Variants in CCNY observed in about 807,000 individuals in gnomAD.
CCNY encodes cyclin-Y.
Under a neutral mutation model 42.8 loss-of-function variants are expected in CCNY, and 19 were observed. The ratio of observed to expected loss-of-function variants is 0.44; its 90% CI spans 0.31 to 0.65. CCNY has a LOEUF of 0.65. Ranked by LOEUF, CCNY falls within the 30% of genes least tolerant of loss-of-function variation. CCNY has a pLI of 0.07. For synonymous variants in CCNY, 165 were observed against 162.7 expected, an observed-to-expected ratio of 1.01 and a Z score of -0.11; for missense variants, 370 against 437.3, an observed-to-expected ratio of 0.85 and a Z score of 1.37.
intron 3 of CCNY, among the ~76,000 whole-genome samples, chr10:35,319,673 A>G (rs1435849172): frequency 2.0e-5 from 3 of 152,146 alleles, no homozygotes; most frequent in Non-Finnish European, 4.4e-5. Context: ...CAGGAGTTTG[A>G]GACCAGCCAG....
intron 7 of CCNY, among the ~76,000 whole-genome samples, chr10:35,535,624 G>A (rs1840871223): frequency 6.6e-6 from 1 of 152,180 alleles, no homozygotes; most frequent in African/African-American, 2.4e-5. Context: ...TCAGCCAACT[G>A]TAAAATGAAA....
In CCNY at chr10:35,516,663, T is replaced by TCCTTCC. The variant is rs200181533; in HGVS notation, c.365+40_365+41insCCTTCC. ...TTATTTCCTTCCTTCCTTCCTTCCTTTTTTTTTTTTTTTTTTTTTTTTTTT... is the reference window on the plus strand; with the variant it reads ...TTATTTCCTTCCTTCCTTCCTTCCTTCCTTCCTTTTTTTTTTTTTTTTTTTTTTTTT... On this transcript the variant is annotated intron_variant, in intron 4 of 9. Transcript: ENST00000374704. 1.9e-4 allele frequency: 37 copies of TCCTTCC among 198,488 alleles called. No individual in the cohort carries two copies. The East Asian group carries it at 3.7e-3, about 20-fold the overall frequency. 12.3% of individuals were successfully genotyped at this position (198,488 alleles called of 1,614,324 possible). A position where few individuals can be genotyped will look rare whatever the true frequency, so the allele number is the denominator to read the frequency against.
intron 8 of CCNY, among the ~76,000 whole-genome samples, chr10:35,565,477 C>T (rs1841550773): frequency 6.6e-6 from 1 of 152,200 alleles, no homozygotes; most frequent in African/African-American, 2.4e-5. Context: ...TGTGAGTTCT[C>T]TTTTTAAGAG....
intron 1 of CCNY, among the ~76,000 whole-genome samples, chr10:35,442,714 G>T (rs1838699935): frequency 6.6e-6 from 1 of 152,146 alleles, no homozygotes; most frequent in Non-Finnish European, 1.5e-5. Context: ...AAACTACTGG[G>T]GATGGCTACG....
rs1304156094 is a variant in CCNY, at chr10:35,363,223, C to T, written c.154+26016C>T. Among the ~76,000 whole-genome samples the T allele has an allele frequency of 1.7e-4, 25 of 145,282 alleles. No individual in the cohort carries two copies. The East Asian group carries it at 4.3e-3, about 25-fold the overall frequency. Reference sequence around the variant, plus strand: ...GCAGAGGCGCTCCTCACTTCCCAGACGGTGGAGTGGCCGGCAGAGGCGCTC... The same window carrying T: ...GCAGAGGCGCTCCTCACTTCCCAGATGGTGGAGTGGCCGGCAGAGGCGCTC... On this transcript the variant is annotated intron_variant, in intron 1 of 9. Coordinates refer to ENST00000374704, the MANE Select transcript of CCNY (RefSeq NM_145012.6).
At chr10:35,274,420 G>A (rs973348430) in intron 3 of CCNY, among the ~76,000 whole-genome samples, 2 of 152,170 alleles carry the variant, frequency 1.3e-5, no homozygotes, top group African/African-American at 4.8e-5. Context: ...CATCTTCTTA[G>A]TGGGGGTGGG....
At chr10:35,419,496 G>T (rs979849578) in intron 1 of CCNY, among the ~76,000 whole-genome samples, 7 of 148,598 alleles carry the variant, frequency 4.7e-5, no homozygotes, top group Non-Finnish European at 7.4e-5. Flanking sequence ...GGTGGCCATG[G>T]ACCATGAGGG....
chr10:35,498,035 A>G (rs1840037316), intron 2 of CCNY, among the ~76,000 whole-genome samples: 1 of 152,176 alleles, frequency 6.6e-6, no homozygotes, highest in South Asian at 2.1e-4. Flanking sequence ...ATTACAGTGC[A>G]AGCACATGAG....
chr10:35,397,412 C>T (rs941443232), intron 1 of CCNY, among the ~76,000 whole-genome samples: 1 of 152,202 alleles, frequency 6.6e-6, no homozygotes, highest in South Asian at 2.1e-4. Context: ...TTGCTTCCTT[C>T]CCCCCTTATC....
At chr10:35,451,670 AGCC>A (rs1838920364) in intron 1 of CCNY, among the ~76,000 whole-genome samples, 3 of 152,336 alleles carry the variant, frequency 2.0e-5, no homozygotes, top group African/African-American at 7.2e-5. Context: ...GACACCCACA[AGCC>A]CAGGAGCCTC....
chr10:35,259,333 C>G (rs2095717707), intron 3 of CCNY, among the ~76,000 whole-genome samples: 1 of 151,964 alleles, frequency 6.6e-6, no homozygotes, highest in African/African-American at 2.4e-5. Context: ...CCCACCTCAG[C>G]CTCTTGAGTA....
intron 7 of CCNY, among the ~76,000 whole-genome samples, chr10:35,537,904 C>T (rs941544821): frequency 2.3e-4 from 35 of 151,912 alleles, no homozygotes; most frequent in African/African-American, 6.0e-4. Context: ...TGGGAGGGCC[C>T]GGGGTGGAAT....
chr10:35,341,437 A>T (rs1355030071), intron 1 of CCNY, among the ~76,000 whole-genome samples: 2 of 152,202 alleles, frequency 1.3e-5, no homozygotes, highest in Non-Finnish European at 2.9e-5. Context: ...ATTCCTTAAC[A>T]CTTTATGATA....
chr10:35,548,017 C>T (rs536699951), intron 7 of CCNY, among the ~76,000 whole-genome samples: 2 of 152,164 alleles, frequency 1.3e-5, no homozygotes, highest in Non-Finnish European at 2.9e-5. Context: ...GGATTTGAAA[C>T]ATGTTACTCC....
intron 1 of CCNY, among the ~76,000 whole-genome samples, chr10:35,350,474 C>T (rs1836405427): frequency 6.6e-6 from 1 of 151,996 alleles, no homozygotes; most frequent in Non-Finnish European, 1.5e-5. Flanking sequence ...AAGTTCTAAT[C>T]CGACTACATT....
At chr10:35,559,633 C>T (rs1452438292) in intron 8 of CCNY, among the ~76,000 whole-genome samples, 2 of 152,214 alleles carry the variant, frequency 1.3e-5, no homozygotes, top group South Asian at 2.1e-4. Flanking sequence ...GAAGCGCTGC[C>T]GGCTTGCACC....
At chr10:35,552,993 G>T (rs758238578) in intron 7 of CCNY, 26 bp from the exon 8 acceptor site, 16 of 1,605,804 alleles carry the variant, frequency 1.0e-5, no homozygotes, top group Non-Finnish European at 1.4e-5. Context: ...AAATCACTTA[G>T]CTCTGGCATT....
chr10:35,349,155 A>G (rs753674071), intron 1 of CCNY, among the ~76,000 whole-genome samples: 1 of 152,142 alleles, frequency 6.6e-6, no homozygotes, highest in Non-Finnish European at 1.5e-5. Flanking sequence ...GGGGTCCTGG[A>G]ACCAATCCCC....
intron 1 of CCNY, among the ~76,000 whole-genome samples, chr10:35,372,416 C>CT (rs1447582808): frequency 6.6e-6 from 1 of 152,218 alleles, no homozygotes; most frequent in Non-Finnish European, 1.5e-5. Context: ...ACGATTCACT[C>CT]TGAGTCCCTG....
Sources: gnomAD v4.1 joint callset for allele counts (sites outside exome capture counted in the v4.1 genomes callset) on GRCh38, gnomAD v4.1.1 for gene constraint, MANE v1.5 for transcripts, NCBI Gene and HGNC (gene_info 2026-07-23, HGNC 2026-07-21) for gene names.